The following TG variants were observed in gnomAD, a reference collection of about 807,000 sequenced individuals.
TG encodes thyroid hormones.
TG carries 270 observed loss-of-function variants against 324.7 expected under a neutral mutation model. The observed-to-expected ratio is 0.83, with a 90% CI of 0.75 to 0.92. The LOEUF (loss-of-function observed/expected upper bound fraction) is 0.92. TG is among the 40% of genes least tolerant of loss of function. TG has a pLI of 0.00. For missense variants in TG, 3,591 were observed against 3,456.4 expected, an observed-to-expected ratio of 1.04 and a Z score of -0.98; for synonymous variants, 1,401 against 1,327.0, an observed-to-expected ratio of 1.06 and a Z score of -1.21.
chr8:133,001,662 C>T (rs550078604), intron 35 of TG: 6 of 779,992 alleles, frequency 7.7e-6, no homozygotes, highest in East Asian at 2.5e-4. Flanking sequence ...ATGTTGTCTC[C>T]GTCCGATGAC....
At chr8:133,088,936 G>A (rs1173520894) in intron 41 of TG, among the ~76,000 whole-genome samples, 2 of 152,152 alleles carry the variant, frequency 1.3e-5, no homozygotes, top group Non-Finnish European at 2.9e-5. Context: ...ATATAAACTT[G>A]GATGTTTAAA....
rs1239559456 is a variant in TG, at chr8:132,935,874, TCAGGCTGGTTGG to T, written c.5041+12_5041+23del. On this transcript the variant is annotated intron_variant, in intron 25 of 47. Coordinates refer to ENST00000220616, the MANE Select transcript of TG (RefSeq NM_003235.5). ...GTGTATTTGAAAAAGGGTAGGTTGG[TCAGGCTGGTTGG>T]CTTAGGCCCGCGGTGGCTTCACACG... The T allele has an allele frequency of 6.2e-7, 1 of 1,609,972 alleles. No individual in the cohort carries two copies. Among genetic ancestry groups the T allele is most frequent in the Non-Finnish European group, 8.5e-7 (1 of 1,178,560 alleles).
chr8:132,873,157 G>A lies in TG; in HGVS notation c.574G>A (p.Val192Ile). 2 of 1,614,190 alleles carry A rather than the reference G, an allele frequency of 1.2e-6. No homozygotes were observed. The highest frequency in any genetic ancestry group is 1.7e-6 in the Non-Finnish European group (2 of 1,180,032). Reference sequence around the variant, plus strand: ...TTCTGCGGAGGGAGAGTTTATGCCTGTCCAGTGCAAATTTGTCAACACCAC... The same window carrying A: ...TTCTGCGGAGGGAGAGTTTATGCCTATCCAGTGCAAATTTGTCAACACCAC... Reference protein sequence around the residue: ...QCSAEGEFMPVQCKFVNTTDM... With the variant: ...QCSAEGEFMPIQCKFVNTTDM... The change falls in exon 5 of 48, where the codon GTC (valine) becomes ATC (isoleucine). Residue 192 changes from valine to isoleucine, a missense_variant. Coordinates refer to ENST00000220616, the MANE Select transcript of TG (RefSeq NM_003235.5).
chr8:133,039,485 C>T (rs1293735896), intron 41 of TG, among the ~76,000 whole-genome samples: 2 of 152,220 alleles, frequency 1.3e-5, no homozygotes, highest in Admixed American at 1.3e-4. Flanking sequence ...ATTAAGATAA[C>T]CCACCAATCC....
At chr8:133,057,230 A>G (rs1027931517) in intron 41 of TG, among the ~76,000 whole-genome samples, 1 of 152,230 alleles carries the variant, frequency 6.6e-6, no homozygotes, top group Admixed American at 6.5e-5. Flanking sequence ...AGAGGGGAAA[A>G]AGATCACAGC....
At chr8:132,933,764 G>C in intron 24 of TG, 88 bp downstream of exon 24, 1 of 1,208,250 alleles carries the variant, frequency 8.3e-7, no homozygotes, top group Non-Finnish European at 1.2e-6. Context: ...CTGGCCAGGC[G>C]ATGGAATGAG....
chr8:132,871,500 G>C lies in TG; in HGVS notation c.427G>C (p.Ala143Pro), dbSNP rs781719230. Residue 143 changes from alanine to proline, a missense_variant, in exon 4 of 48, where the codon GCA becomes CCA. Ala to Pro is a conservative substitution (Grantham distance 27). Transcript: ENST00000220616. ...GCAGGTCCAGTGCTGGTGTGTGGAC[G>C]CAGAGGGGATGGAGGTGTATGGGAC... ...VQQVQCWCVD[A>P]EGMEVYGTRQ... is the part of the protein sequence containing the mutation. 6.2e-7 allele frequency: 1 copy of C among 1,614,080 alleles called. No homozygotes were observed. The highest frequency in any genetic ancestry group is 1.3e-5 in the African/African-American group (1 of 74,924).
At chr8:132,871,771 T>G (rs1241061063) in intron 4 of TG, among the ~76,000 whole-genome samples, 2 of 152,226 alleles carry the variant, frequency 1.3e-5, no homozygotes, top group East Asian at 3.8e-4. Context: ...TAAACAGGAT[T>G]TCATTGAACG....
chr8:133,014,094 G>T (rs2130899641), intron 37 of TG, among the ~76,000 whole-genome samples: 1 of 152,330 alleles, frequency 6.6e-6, no homozygotes, highest in Non-Finnish European at 1.5e-5. Flanking sequence ...TTAATCCTGT[G>T]TGGTGGCAGG....
At chr8:132,888,619 G>GTA (rs773275929) in intron 10 of TG, 51 bp downstream of exon 10, 8 of 1,480,016 alleles carry the variant, frequency 5.4e-6, no homozygotes, top group East Asian at 4.7e-5. Context: ...GTGTGTGTGT[G>GTA]TGTATGTGTG....
At chr8:133,009,815 GC>G (rs1834344383) in intron 35 of TG, among the ~76,000 whole-genome samples, 1 of 151,442 alleles carries the variant, frequency 6.6e-6, no homozygotes, top group South Asian at 2.1e-4. Flanking sequence ...AATCATGTTG[GC>G]CCCCCGCTTT....
chr8:132,889,965 A>G (rs1441408310), intron 10 of TG, among the ~76,000 whole-genome samples: 1 of 152,016 alleles, frequency 6.6e-6, no homozygotes, highest in Admixed American at 6.6e-5. Flanking sequence ...TACTTTTAGT[A>G]GAGACGGGGT....
chr8:133,079,998 C>T (rs183809703), intron 41 of TG, among the ~76,000 whole-genome samples: 102 of 151,890 alleles, frequency 6.7e-4, no homozygotes, highest in South Asian at 1.9e-3. Flanking sequence ...TTTTTGAACC[C>T]CTTCAATGTG....
intron 11 of TG, among the ~76,000 whole-genome samples, chr8:132,896,689 C>T (rs1313197980): frequency 6.6e-6 from 1 of 152,116 alleles, no homozygotes; most frequent in African/African-American, 2.4e-5. Flanking sequence ...GCTTCTTCCT[C>T]TCCCCCTCAT....
chr8:132,952,633 A>T (rs1396774845), intron 27 of TG, among the ~76,000 whole-genome samples: 1 of 152,216 alleles, frequency 6.6e-6, no homozygotes, highest in African/African-American at 2.4e-5. Context: ...TTAAAGCACA[A>T]ATGAATTGAT....
intron 43 of TG, among the ~76,000 whole-genome samples, chr8:133,105,993 T>C (rs1849768426): frequency 6.6e-6 from 1 of 151,736 alleles, no homozygotes; most frequent in Non-Finnish European, 1.5e-5. Flanking sequence ...GCTCTTGGAG[T>C]GCACATCTAG....
In TG at chr8:132,919,516, C is replaced by T; in HGVS notation, c.4519C>T (p.Gln1507Ter). The change falls in exon 21 of 48, where the codon CAG (glutamine) becomes TAG (stop). Residue 1507 changes from glutamine (Q) to a stop codon, truncating the protein, a stop_gained. Coordinates refer to ENST00000220616, the MANE Select transcript of TG (RefSeq NM_003235.5). LOFTEE classifies it high-confidence loss of function. ...RTTISAGAFS[Q>*]THCVTDCQRN... The stretch of plus-strand genomic sequence containing the variant: ...GACCATTTCTGCTGGAGCTTTCAGC[C>T]AGACTCACTGTAAGTTCTGTGGAGT... 6 of 1,613,868 alleles carry T rather than the reference C, an allele frequency of 3.7e-6. No homozygotes were observed. Among genetic ancestry groups the T allele is most frequent in the South Asian group, 1.1e-5 (1 of 91,072 alleles).
At position 132,888,243 on chromosome 8, in the gene TG, A is replaced by T; in HGVS notation, c.2436A>T (p.Ala812=). 1 of 1,614,250 alleles carries T rather than the reference A, an allele frequency of 6.2e-7. No individual in the cohort carries two copies. ...TGAAGATCATGAGCTACAGAGAAGC[A>T]GCTTCCGGAAACTTCAGTCTCTTTA... The part of the protein sequence containing the change: ...LLVKIMSYRE[A]ASGNFSLFIQ... The change falls in exon 10 of 48, where the codon GCA becomes GCT. Residue 812 remains alanine, a synonymous_variant. Coordinates refer to ENST00000220616, the MANE Select transcript of TG (RefSeq NM_003235.5).
intron 24 of TG, 127 bp downstream of exon 24, chr8:132,933,803 C>T: frequency 1.2e-6 from 1 of 842,670 alleles, no homozygotes; most frequent in South Asian, 1.4e-5. Flanking sequence ...TCTGTTACCT[C>T]CATTTCTTCA....
Sources: allele counts gnomAD v4.1 joint callset (sites outside exome capture counted in the v4.1 genomes callset), GRCh38; gene constraint gnomAD v4.1.1; transcripts MANE v1.5; gene names NCBI Gene and HGNC (gene_info 2026-07-23, HGNC 2026-07-21).